The following SYTL5 variants were observed in gnomAD, a reference collection of about 807,000 sequenced individuals.
SYTL5 encodes the protein synaptotagmin like 5.
SYTL5 carries 34 observed loss-of-function variants against 55.9 expected under a neutral mutation model. The observed-to-expected ratio is 0.61, with a 90% CI of 0.46 to 0.81. SYTL5 has a LOEUF of 0.81. SYTL5 is among the 30% of genes least tolerant of loss of function. The pLI, the probability that SYTL5 is intolerant of heterozygous loss-of-function variation, is 0.00. For synonymous variants in SYTL5, 221 were observed against 188.7 expected, an observed-to-expected ratio of 1.17 and a Z score of -1.40; for missense variants, 637 against 546.7, an observed-to-expected ratio of 1.17 and a Z score of -1.65.
rs765149396 is a variant in SYTL5, at chrX:38,034,017, C to A, written c.119+9C>A. The A allele has an allele frequency of 2.3e-5, 24 of 1,065,342 alleles. No individual in the cohort carries two copies. The highest frequency in any genetic ancestry group is 3.7e-5 in the African/African-American group (2 of 53,984). 87.8% of individuals were successfully genotyped at this position (1,065,342 alleles called of 1,213,427 possible). On this transcript the variant is annotated intron_variant, in intron 2 of 16. Coordinates refer to ENST00000297875, the MANE Select transcript of SYTL5 (RefSeq NM_138780.3). Reference sequence around the variant, plus strand: ...GAGGACAAGAGAATAAGGTAGTATTCTTTTTATTTTTTCAGTCCTCCTTGA... The same window carrying A: ...GAGGACAAGAGAATAAGGTAGTATTATTTTTATTTTTTCAGTCCTCCTTGA...
chrX:38,039,113 G>A (rs1442395954), intron 2 of SYTL5, among the ~76,000 whole-genome samples: 1 of 111,520 alleles, frequency 9.0e-6, no homozygotes, highest in Non-Finnish European at 1.9e-5. Flanking sequence ...TGGGGAATAG[G>A]CATCTGTCTA....
chrX:37,895,683 A>G, the SYTL5 span, among the ~76,000 whole-genome samples: 1 of 109,550 alleles, frequency 9.1e-6, no homozygotes, highest in Admixed American at 9.9e-5. Context: ...AAAAGAAAAG[A>G]AAAAAACGTA....
At chrX:37,987,710 A>G in the SYTL5 span, among the ~76,000 whole-genome samples, 16 of 111,893 alleles carry the variant, frequency 1.4e-4, no homozygotes, top group African/African-American at 5.2e-4. Flanking sequence ...CCATTTAAGT[A>G]GATATTTGCC....
chrX:38,054,570 G>A, intron 3 of SYTL5, 148 bp downstream of exon 3: 1 of 483,192 alleles, frequency 2.1e-6, no homozygotes, highest in Non-Finnish European at 3.4e-6. Context: ...GCAATGCCTT[G>A]GCAGGGCTCT....
the SYTL5 span, among the ~76,000 whole-genome samples, chrX:37,935,226 A>G: frequency 8.9e-6 from 1 of 112,103 alleles, no homozygotes; most frequent in Non-Finnish European, 1.9e-5. Context: ...GTCAACTAAG[A>G]CACTAAGACT....
At chrX:37,948,707 C>T in the SYTL5 span, among the ~76,000 whole-genome samples, 2,852 of 111,000 alleles carry the variant, frequency 0.026, 32 homozygotes, top group Non-Finnish European at 0.04. Flanking sequence ...CTTTCTAGGC[C>T]TGGCTTATGT....
rs867175501 is a variant in SYTL5 at position 38,054,315 on chromosome X, C to G, written c.222C>G (p.Ile74Met). The G allele has an allele frequency of 1.7e-6, 2 of 1,211,186 alleles. No homozygotes were observed. The highest frequency in any genetic ancestry group is 3.5e-5 in the African/African-American group (2 of 57,700). ...CVHCHRNLGL[I>M]FDRGDPCQAC... ...ACTGTCACAGAAACCTGGGCCTAAT[C>G]TTTGACCGGGGAGACCCTTGTCAGG... The change falls in exon 3 of 17, where the codon ATC becomes ATG. Residue 74 changes from isoleucine (I) to methionine (M), a missense_variant. By Grantham distance (10) the Ile-to-Met change is conservative. Transcript: ENST00000297875.
chrX:37,931,903 G>C, the SYTL5 span, among the ~76,000 whole-genome samples: 100 of 111,042 alleles, frequency 9.0e-4, no homozygotes, highest in Non-Finnish European at 1.5e-3. Context: ...AGTTTAAGGA[G>C]TTCAGTCTGC....
chrX:38,027,285 A>C (rs1356891380), intron 1 of SYTL5, among the ~76,000 whole-genome samples: 2 of 112,451 alleles, frequency 1.8e-5, no homozygotes, highest in African/African-American at 6.5e-5. Flanking sequence ...TCCCAAGTAA[A>C]CTAAATTAGA....
chrX:38,078,446 G>A (rs1351373464), intron 6 of SYTL5, among the ~76,000 whole-genome samples: 1 of 109,908 alleles, frequency 9.1e-6, no homozygotes, highest in Non-Finnish European at 1.9e-5. Flanking sequence ...ATTTTTAGTA[G>A]AGACGGAGTT....
intron 1 of SYTL5, among the ~76,000 whole-genome samples, chrX:38,020,246 AT>A (rs1007439334): frequency 2.7e-5 from 3 of 109,132 alleles, no homozygotes; most frequent in East Asian, 2.9e-4. Context: ...CATTTGCTGT[AT>A]TTTTTTAACT....
intron 6 of SYTL5, among the ~76,000 whole-genome samples, chrX:38,082,968 A>G (rs1401884273): frequency 1.8e-5 from 2 of 112,334 alleles, no homozygotes; most frequent in African/African-American, 6.5e-5. Flanking sequence ...TCTTATATGC[A>G]ATATAACATC....
At chrX:38,060,976 G>A (rs1935927051) in intron 3 of SYTL5, among the ~76,000 whole-genome samples, 1 of 111,689 alleles carries the variant, frequency 9.0e-6, no homozygotes, top group African/African-American at 3.2e-5. Context: ...TTGATAACCT[G>A]TTAAGTATAC....
At chrX:37,948,311 T>A in the SYTL5 span, among the ~76,000 whole-genome samples, 1 of 110,783 alleles carries the variant, frequency 9.0e-6, no homozygotes, top group African/African-American at 3.3e-5. Context: ...TTCTAGAATT[T>A]AAAGTCCAAA....
the SYTL5 span, among the ~76,000 whole-genome samples, chrX:37,978,321 T>A: frequency 6.3e-5 from 7 of 110,904 alleles, no homozygotes; most frequent in Non-Finnish European, 1.3e-4. Context: ...GGAGAAAAAA[T>A]GACAACTAAT....
chrX:37,988,736 T>A, the SYTL5 span, among the ~76,000 whole-genome samples: 1 of 112,232 alleles, frequency 8.9e-6, no homozygotes, highest in Non-Finnish European at 1.9e-5. Flanking sequence ...GTCAAAGGTG[T>A]TGCTGGTGAA....
At chrX:38,001,917 A>G (rs2147263581), upstream of SYTL5, among the ~76,000 whole-genome samples, 1 of 110,825 alleles carries the variant, frequency 9.0e-6, no homozygotes, top group African/African-American at 3.3e-5. Context: ...CACAATGTGC[A>G]GGTTTGTTAC....
At chrX:37,944,233 T>G in the SYTL5 span, among the ~76,000 whole-genome samples, 1 of 111,336 alleles carries the variant, frequency 9.0e-6, no homozygotes, top group South Asian at 3.8e-4. Flanking sequence ...ATTCTTAATA[T>G]TTAAAAGTCT....
chrX:38,061,951 A>G (rs1243833849), intron 3 of SYTL5, among the ~76,000 whole-genome samples: 1 of 110,794 alleles, frequency 9.0e-6, no homozygotes. Flanking sequence ...TTGGAACAAA[A>G]CATGAAATAT....
Sources: allele counts gnomAD v4.1 joint callset (sites outside exome capture counted in the v4.1 genomes callset), GRCh38; gene constraint gnomAD v4.1.1; transcripts MANE v1.5; gene names NCBI Gene and HGNC (gene_info 2026-07-23, HGNC 2026-07-21).